Variants in RERE observed in about 807,000 individuals in gnomAD.
RERE encodes arginine-glutamic acid dipeptide repeats.
A neutral mutation model predicts 146.1 loss-of-function variants in RERE; 40 were observed. The observed-to-expected ratio is 0.27, with a 90% CI of 0.21 to 0.36. The LOEUF (loss-of-function observed/expected upper bound fraction) is 0.36, where lower values mean the gene tolerates loss of function less well. Among genes scored for constraint, RERE ranks in the 10% least tolerant of loss-of-function variants. The pLI, the probability that RERE is intolerant of heterozygous loss-of-function variation, is 1.00. For missense variants in RERE, 1,933 were observed against 2,138.7 expected (o/e 0.90, Z 1.90); for synonymous variants, 1,003 against 866.0 (o/e 1.16, Z -2.78).
At chr1:8,547,326 C>T (rs1231193060) in intron 6 of RERE, among the ~76,000 whole-genome samples, 2 of 152,214 alleles carry the variant, frequency 1.3e-5, no homozygotes, top group East Asian at 3.9e-4. Flanking sequence ...CCTAGAACAA[C>T]TGGGTAGAAT....
intron 2 of RERE, among the ~76,000 whole-genome samples, chr1:8,654,193 C>T (rs1487185269): frequency 1.3e-5 from 2 of 152,032 alleles, no homozygotes; most frequent in African/African-American, 2.4e-5. Flanking sequence ...TCTCATCACA[C>T]TCCCAGCTAA....
intron 4 of RERE, among the ~76,000 whole-genome samples, chr1:8,600,183 CCAT>C (rs1275924299): frequency 6.6e-6 from 1 of 152,158 alleles, no homozygotes; most frequent in Non-Finnish European, 1.5e-5. Flanking sequence ...TTGCCTTCCA[CCAT>C]GATTGTGAGG....
chr1:8,784,535 A>C (rs776295707), intron 1 of RERE, among the ~76,000 whole-genome samples: 12 of 152,184 alleles, frequency 7.9e-5, no homozygotes, highest in Non-Finnish European at 2.9e-5. Context: ...GTAGCTGTTC[A>C]ATAAACACAC....
At chr1:8,385,671 T>C (rs1642612992) in intron 12 of RERE, among the ~76,000 whole-genome samples, 1 of 151,888 alleles carries the variant, frequency 6.6e-6, no homozygotes, top group South Asian at 2.1e-4. Context: ...AGAGCTTTTA[T>C]TTCTTGAAGG....
At chr1:8,370,472 T>C (rs569479645) in intron 12 of RERE, among the ~76,000 whole-genome samples, 39 of 152,284 alleles carry the variant, frequency 2.6e-4, no homozygotes, top group African/African-American at 9.4e-4. Flanking sequence ...AGTGGGTGCA[T>C]TTTTACGGTA....
At chr1:8,804,681 C>CT (rs758787198) in intron 1 of RERE, among the ~76,000 whole-genome samples, 12 of 152,302 alleles carry the variant, frequency 7.9e-5, no homozygotes, top group South Asian at 6.2e-4. Flanking sequence ...GTGTGCCCAG[C>CT]TTTTGCCTTT....
At chr1:8,801,426 C>A (rs1042680278) in intron 1 of RERE, among the ~76,000 whole-genome samples, 2 of 152,082 alleles carry the variant, frequency 1.3e-5, no homozygotes, top group Non-Finnish European at 2.9e-5. Context: ...TGTGCCACCA[C>A]GTCAGGCTAA....
At chr1:8,731,780 T>TTTTTG (rs928014433) in intron 1 of RERE, among the ~76,000 whole-genome samples, 1 of 142,734 alleles carries the variant, frequency 7.0e-6, no homozygotes, top group African/African-American at 2.6e-5. Flanking sequence ...CATAATGTTT[T>TTTTTG]TTTGTTTGTT....
At chr1:8,395,593 A>G (rs1643028461) in intron 12 of RERE, among the ~76,000 whole-genome samples, 1 of 152,172 alleles carries the variant, frequency 6.6e-6, no homozygotes, top group Non-Finnish European at 1.5e-5. Flanking sequence ...GTAGGAAAAA[A>G]AAAAGGTGAA....
intron 4 of RERE, among the ~76,000 whole-genome samples, chr1:8,605,178 C>G (rs1014215939): frequency 3.3e-5 from 5 of 152,164 alleles, no homozygotes; most frequent in Non-Finnish European, 7.3e-5. Context: ...CGCTCTGTCG[C>G]CCAGGTTGGG....
chr1:8,369,385 C>T (rs1641937160), intron 12 of RERE, among the ~76,000 whole-genome samples: 1 of 151,864 alleles, frequency 6.6e-6, no homozygotes. Context: ...AAATCAACAT[C>T]AACTTTTTGT....
chr1:8,553,659 C>T (rs1462377938), intron 6 of RERE, among the ~76,000 whole-genome samples: 1 of 152,004 alleles, frequency 6.6e-6, no homozygotes, highest in Non-Finnish European at 1.5e-5. Context: ...AAAGAAAACA[C>T]CACAGGAGAA....
In RERE at chr1:8,355,524, T is replaced by C. The variant is rs1313492554; in HGVS notation, c.4562A>G (p.His1521Arg). 1 of 1,609,736 alleles carries C rather than the reference T, an allele frequency of 6.2e-7. No homozygotes were observed. The highest frequency in any genetic ancestry group is 1.7e-5 in the Admixed American group (1 of 59,852). ...TCTCTGCAGCTCGGCCGACTGGGCA[T>C]GCATGGCCTGCAGCTGGTGGGCTGC... ...MSAAHQLQAMHAQSAELQRLA... is the reference protein window; with the variant it reads ...MSAAHQLQAMRAQSAELQRLA... Residue 1521 changes from histidine to arginine, a missense_variant, in exon 22 of 23, where the codon CAT becomes CGT. Transcript: ENST00000400908.
intron 10 of RERE, among the ~76,000 whole-genome samples, chr1:8,476,252 A>G (rs1644755017): frequency 6.6e-6 from 1 of 152,190 alleles, no homozygotes; most frequent in Non-Finnish European, 1.5e-5. Flanking sequence ...CCAGAGGTTC[A>G]GTATGTTTCT....
intron 1 of RERE, among the ~76,000 whole-genome samples, chr1:8,780,271 T>C (rs1356678548): frequency 1.3e-5 from 2 of 152,192 alleles, no homozygotes; most frequent in African/African-American, 4.8e-5. Context: ...CTGGTCTTAA[T>C]GAGACTGGCT....
chr1:8,748,441 T>C (rs546485747), intron 1 of RERE, among the ~76,000 whole-genome samples: 4 of 152,308 alleles, frequency 2.6e-5, no homozygotes, highest in East Asian at 3.9e-4. Flanking sequence ...ACAGGTTACG[T>C]TGCTGTATCT....
At chr1:8,786,515 A>T in intron 1 of RERE, 2 of 794,988 alleles carry the variant, frequency 2.5e-6, no homozygotes, top group Non-Finnish European at 4.5e-6. Context: ...GGGTTCCCCC[A>T]TGTAATATAT....
At chr1:8,596,081 C>A (rs1646552201) in intron 4 of RERE, among the ~76,000 whole-genome samples, 1 of 152,238 alleles carries the variant, frequency 6.6e-6, no homozygotes, top group African/African-American at 2.4e-5. Context: ...TGAAACACGG[C>A]TACACAGTCA....
chr1:8,520,638 A>C (rs1645480875), intron 7 of RERE, among the ~76,000 whole-genome samples: 1 of 151,526 alleles, frequency 6.6e-6, no homozygotes, highest in African/African-American at 2.4e-5. Context: ...GTCATAAAAC[A>C]ACATTCCACC....
Sources: gnomAD v4.1 joint callset for allele counts (sites outside exome capture counted in the v4.1 genomes callset) on GRCh38, gnomAD v4.1.1 for gene constraint, MANE v1.5 for transcripts, NCBI Gene and HGNC (gene_info 2026-07-23, HGNC 2026-07-21) for gene names.